WIF1: variants seen among roughly 807,000 people sequenced by gnomAD.
The protein encoded by WIF1 is Wnt inhibitory factor 1.
Under a neutral mutation model 53.5 loss-of-function variants are expected in WIF1, and 35 were observed. The ratio of observed to expected loss-of-function variants is 0.65; its 90% CI spans 0.50 to 0.87. The LOEUF is 0.87. Ranked by LOEUF, WIF1 falls within the 40% of genes least tolerant of loss-of-function variation. WIF1 has a pLI of 0.00. For missense variants in WIF1, 467 were observed against 476.8 expected (o/e 0.98, Z 0.19); for synonymous variants, 171 against 170.4 (o/e 1.00, Z -0.03).
chr12:65,088,102 C>T (rs1253081861), intron 2 of WIF1, among the ~76,000 whole-genome samples: 1 of 152,150 alleles, frequency 6.6e-6, no homozygotes, highest in African/African-American at 2.4e-5. Context: ...TCCTGAGGAG[C>T]ACTGATGATG....
Position 65,063,572 on chromosome 12 carries a change from A to G in WIF1, c.731-996T>C, listed in dbSNP as rs561822477. 5.9e-5 allele frequency among the ~76,000 whole-genome samples: 9 copies of G among 151,636 alleles called. No individual in the cohort carries two copies. In the South Asian group the frequency reaches 1.5e-3, roughly 25 times the overall value. ...TCTAAGTGTATGCTTTCTTTGTGGG[A>G]AAAAAAAAGTCCACAAAGCAAAATG... On this transcript the variant is annotated intron_variant, in intron 6 of 9. Coordinates refer to ENST00000286574, the MANE Select transcript of WIF1 (RefSeq NM_007191.5).
At chr12:65,071,694 G>A (rs889154722) in intron 3 of WIF1, among the ~76,000 whole-genome samples, 9 of 152,010 alleles carry the variant, frequency 5.9e-5, no homozygotes, top group African/African-American at 1.9e-4. Flanking sequence ...CATCAGCCCA[G>A]GTATATAAGT....
chr12:65,059,786 G>A (rs768872763), intron 7 of WIF1, among the ~76,000 whole-genome samples: 20 of 151,970 alleles, frequency 1.3e-4, no homozygotes, highest in Non-Finnish European at 2.4e-4. Flanking sequence ...TGAATAGCTA[G>A]GACTACAGGT....
chr12:65,083,747 T>C, intron 2 of WIF1: 1 of 283,842 alleles, frequency 3.5e-6, no homozygotes, highest in Non-Finnish European at 6.3e-6. Flanking sequence ...TTTTCTTTTC[T>C]TTCCTTTCCT....
chr12:65,067,818 T>C (rs1328995832), intron 4 of WIF1, 28 bp from the exon 5 acceptor site: 1 of 1,598,626 alleles, frequency 6.3e-7, no homozygotes, highest in South Asian at 1.1e-5. Flanking sequence ...AAAGCTTATA[T>C]GGACACCCTT....
chr12:65,115,833 G>T (rs1883500458), intron 2 of WIF1, among the ~76,000 whole-genome samples: 1 of 152,090 alleles, frequency 6.6e-6, no homozygotes, highest in East Asian at 1.9e-4. Context: ...GATTTGGGGG[G>T]ACCTCAAAAG....
chr12:65,054,974 G>T, intron 9 of WIF1, 144 bp downstream of exon 9: 1 of 756,202 alleles, frequency 1.3e-6, no homozygotes, highest in Non-Finnish European at 2.0e-6. Context: ...TTAATGAAAT[G>T]GAAAGCAGGG....
rs575534276 is a variant in WIF1 at position 65,100,318 on chromosome 12, C to T, written c.288+20099G>A. Among the ~76,000 whole-genome samples the T allele has an allele frequency of 6.0e-4, 92 of 152,262 alleles. 1 individual carries two copies. The highest frequency in any genetic ancestry group is 6.8e-3 in the Middle Eastern group (2 of 294). On this transcript the variant is annotated intron_variant, in intron 2 of 9. Transcript: ENST00000286574. ...ACAGCCCTGATGAAAAGGGAGATCACTCACCCACCACTTACTGATCCCCCA... is the reference window on the plus strand; with the variant it reads ...ACAGCCCTGATGAAAAGGGAGATCATTCACCCACCACTTACTGATCCCCCA...
chr12:65,054,262 C>G (rs929450731), intron 9 of WIF1: 2 of 151,668 alleles, frequency 1.3e-5, no homozygotes, highest in African/African-American at 2.4e-5. Context: ...TTCCTTTTTT[C>G]AAACTAAAGT....
chr12:65,079,021 T>C (rs1882906347), intron 2 of WIF1, among the ~76,000 whole-genome samples: 1 of 151,712 alleles, frequency 6.6e-6, no homozygotes, highest in South Asian at 2.1e-4. Context: ...AAAACTTAGC[T>C]GGGCATGGTC....
chr12:65,077,558 T>C (rs1215804089), intron 3 of WIF1, among the ~76,000 whole-genome samples, 188 bp downstream of exon 3: 2 of 152,168 alleles, frequency 1.3e-5, no homozygotes, highest in African/African-American at 4.8e-5. Flanking sequence ...GAAAATTATA[T>C]AACCATCATT....
chr12:65,064,058 G>T (rs1882652819), intron 6 of WIF1, among the ~76,000 whole-genome samples: 1 of 152,158 alleles, frequency 6.6e-6, no homozygotes, highest in Non-Finnish European at 1.5e-5. Context: ...CTGGACAGTT[G>T]TTTTTGTAAG....
At chr12:65,081,093 A>G (rs1008877453) in intron 2 of WIF1, among the ~76,000 whole-genome samples, 1 of 151,346 alleles carries the variant, frequency 6.6e-6, no homozygotes, top group African/African-American at 2.4e-5. Flanking sequence ...GTGAATTTAT[A>G]TCTTTTCATG....
At chr12:65,063,042 G>A (rs183411414) in intron 6 of WIF1, among the ~76,000 whole-genome samples, 3 of 152,238 alleles carry the variant, frequency 2.0e-5, no homozygotes, top group Admixed American at 6.5e-5. Context: ...AGGACAAGAT[G>A]AACAGATATT....
chr12:65,120,744 C>A (rs1883588822), intron 1 of WIF1, 188 bp from the exon 2 acceptor site: 1 of 833,566 alleles, frequency 1.2e-6, no homozygotes, highest in Non-Finnish European at 1.8e-6. Context: ...TGCCAACAGA[C>A]CCATGCTTTC....
chr12:65,076,800 G>T (rs767750998), intron 3 of WIF1, among the ~76,000 whole-genome samples: 3 of 151,386 alleles, frequency 2.0e-5, no homozygotes, highest in African/African-American at 7.3e-5. Context: ...ACAAATTATG[G>T]TATATCCATA....
chr12:65,073,330 G>A (rs1592391796), intron 3 of WIF1, among the ~76,000 whole-genome samples: 1 of 152,182 alleles, frequency 6.6e-6, no homozygotes, highest in African/African-American at 2.4e-5. Context: ...TCCAGCATAA[G>A]CACCTATTTA....
intron 2 of WIF1, among the ~76,000 whole-genome samples, chr12:65,107,561 A>T (rs943157814): frequency 6.6e-6 from 1 of 152,224 alleles, no homozygotes; most frequent in Non-Finnish European, 1.5e-5. Context: ...TGGAGGTTGC[A>T]GTGAGCTGAG....
chr12:65,111,079 G>T (rs1242891377), intron 2 of WIF1, among the ~76,000 whole-genome samples: 2 of 152,178 alleles, frequency 1.3e-5, no homozygotes, highest in East Asian at 1.9e-4. Context: ...GGGGTCAGGG[G>T]ATAGGATAGC....
Sources: allele counts gnomAD v4.1 joint callset (sites outside exome capture counted in the v4.1 genomes callset), GRCh38; gene constraint gnomAD v4.1.1; transcripts MANE v1.5; gene names NCBI Gene and HGNC (gene_info 2026-07-23, HGNC 2026-07-21).